NXN: variants seen among roughly 807,000 people sequenced by gnomAD.
NXN encodes the protein nucleoredoxin.
A neutral mutation model predicts 48.6 loss-of-function variants in NXN; 16 were observed. That is an observed-to-expected ratio of 0.33 (90% confidence interval 0.22 to 0.50). The LOEUF is 0.50. NXN is among the 20% of genes least tolerant of loss of function. NXN has a pLI of 0.98. For synonymous variants in NXN, 281 were observed against 269.6 expected (o/e 1.04, Z -0.41); for missense variants, 492 against 605.5 (o/e 0.81, Z 1.97).
At chr17:939,917 G>A (rs1389607043) in intron 1 of NXN, among the ~76,000 whole-genome samples, 4 of 151,550 alleles carry the variant, frequency 2.6e-5, no homozygotes, top group Non-Finnish European at 5.9e-5. Flanking sequence ...CAGGGAGAGT[G>A]CAGTCAACTC....
chr17:951,254 G>C (rs1305401404), intron 1 of NXN, among the ~76,000 whole-genome samples: 3 of 148,662 alleles, frequency 2.0e-5, no homozygotes, highest in Non-Finnish European at 4.5e-5. Context: ...GGAGGCTGAG[G>C]CACGAGAATT....
rs1307755401 is a variant in NXN, at chr17:920,126, C to G, written c.360+59193G>C. Among the ~76,000 whole-genome samples, 1 of 151,940 alleles carries G rather than the reference C, an allele frequency of 6.6e-6. No homozygotes were observed. Among genetic ancestry groups the G allele is most frequent in the East Asian group, 1.9e-4 (1 of 5,160 alleles). On this transcript the variant is annotated intron_variant, in intron 1 of 7. Coordinates refer to ENST00000336868, the MANE Select transcript of NXN (RefSeq NM_022463.5). The surrounding 1 kb of genome is among the most constrained non-coding windows in gnomAD (Gnocchi z 4.6). Reference sequence around the variant, plus strand: ...TGTTGCCCAGGCTGGTCTTGAACTCCTGGGCTCAAGCGATCAGCCCATCTC... The same window carrying G: ...TGTTGCCCAGGCTGGTCTTGAACTCGTGGGCTCAAGCGATCAGCCCATCTC...
intron 1 of NXN, among the ~76,000 whole-genome samples, chr17:946,057 A>G (rs1335419472): frequency 6.6e-6 from 1 of 152,084 alleles, no homozygotes; most frequent in Non-Finnish European, 1.5e-5. Flanking sequence ...AAAGGGAGAG[A>G]GAGAAAGTGA....
chr17:970,956 T>TG (rs1217070916), intron 1 of NXN, among the ~76,000 whole-genome samples: 2 of 151,674 alleles, frequency 1.3e-5, no homozygotes, highest in South Asian at 2.1e-4. Context: ...TTTTTTTTTT[T>TG]TTTTTTTGAC....
In NXN at chr17:932,637, G is replaced by C. The variant is rs1310059490; in HGVS notation, c.360+46682C>G. On this transcript the variant is annotated intron_variant, in intron 1 of 7. Transcript: ENST00000336868. The surrounding 1 kb of genome is among the most constrained non-coding windows in gnomAD (Gnocchi z 4.1). ...GGGCCCCTGCCCTGTGTGAGCTCTA[G>C]TGGGGTCAGCAGCAAGGACCCATCA... Among the ~76,000 whole-genome samples the C allele has an allele frequency of 6.6e-6, 1 of 152,158 alleles. No homozygotes were observed. The highest frequency in any genetic ancestry group is 2.4e-5 in the African/African-American group (1 of 41,430).
rs1356616379 is a variant in NXN at position 917,159 on chromosome 17, ATCT to A, written c.360+62157_360+62159del. 6.8e-6 allele frequency among the ~76,000 whole-genome samples: 1 copy of A among 147,446 alleles called. No individual in the cohort carries two copies. The highest frequency in any genetic ancestry group is 2.5e-5 in the African/African-American group (1 of 39,330). ...TGAGGTGTTCCACGCCTGAGCTCAC[ATCT>A]TTTTTTTTTTTTTCTGTAGCCCAGG... On this transcript the variant is annotated intron_variant, in intron 1 of 7. Transcript: ENST00000336868. The surrounding 1 kb of genome is among the most constrained non-coding windows in gnomAD (Gnocchi z 4.5).
At chr17:852,672 GCT>G (rs764770136) in intron 1 of NXN, among the ~76,000 whole-genome samples, 1 of 152,216 alleles carries the variant, frequency 6.6e-6, no homozygotes, top group Non-Finnish European at 1.5e-5. Context: ...ACCCCCGTCT[GCT>G]CTCTGAGTCA....
intron 1 of NXN, among the ~76,000 whole-genome samples, chr17:880,621 A>G (rs748368634): frequency 6.6e-6 from 1 of 152,138 alleles, no homozygotes. Context: ...CCAAACAATG[A>G]GACTCAAAAT....
At chr17:926,744 C>T (rs2068804296) in intron 1 of NXN, among the ~76,000 whole-genome samples, 1 of 518 alleles carries the variant, frequency 1.9e-3, no homozygotes, top group Non-Finnish European at 0.028. Flanking sequence ...GGGGTTTCGT[C>T]ATGTTCCCAA....
Position 919,716 on chromosome 17 carries a change from C to T in NXN, c.360+59603G>A, listed in dbSNP as rs1402516630. ...CAGGCAGTGCGTGGCTCCAGAACAA[C>T]AACTGAAAATAATATTGGAACGCAG... On this transcript the variant is annotated intron_variant, in intron 1 of 7. Transcript: ENST00000336868. This position sits in a 1 kb window ranked among gnomAD's most constrained non-coding sequence, Gnocchi z 5.1. Among the ~76,000 whole-genome samples the T allele has an allele frequency of 1.3e-5, 2 of 152,110 alleles. No homozygotes were observed. Among genetic ancestry groups the T allele is most frequent in the Non-Finnish European group, 2.9e-5 (2 of 68,022 alleles).
At chr17:969,320 C>A (rs1004416347) in intron 1 of NXN, among the ~76,000 whole-genome samples, 1 of 152,138 alleles carries the variant, frequency 6.6e-6, no homozygotes, top group Non-Finnish European at 1.5e-5. Context: ...AAGTCACACC[C>A]CCGGGAAACA....
chr17:939,794 C>G (rs1047069619), intron 1 of NXN, among the ~76,000 whole-genome samples: 1 of 152,226 alleles, frequency 6.6e-6, no homozygotes, highest in Non-Finnish European at 1.5e-5. Context: ...GCTAGGGGGT[C>G]TGCAGGAGAC....
At chr17:880,071 T>C (rs2068266943) in intron 1 of NXN, 1 of 152,122 alleles carries the variant, frequency 6.6e-6, no homozygotes, top group Admixed American at 6.5e-5. Flanking sequence ...TGAGGTTTCA[T>C]TAAAGGAATT....
chr17:885,541 TAGTCTTTCA>T (rs2068335325), intron 1 of NXN, among the ~76,000 whole-genome samples: 1 of 151,854 alleles, frequency 6.6e-6, no homozygotes, highest in Non-Finnish European at 1.5e-5. Context: ...CTCCTATGTC[TAGTCTTTCA>T]TTTCTCATAA....
chr17:888,962 CA>C (rs71145786), intron 1 of NXN, among the ~76,000 whole-genome samples: 35,098 of 101,244 alleles, frequency 0.35, 4,552 homozygotes, highest in Middle Eastern at 0.54. Context: ...AACTCCATCT[CA>C]AAAAAAAAAA....
At chr17:886,639 G>A (rs55660844) in intron 1 of NXN, among the ~76,000 whole-genome samples, 52 of 152,254 alleles carry the variant, frequency 3.4e-4, no homozygotes, top group Admixed American at 7.9e-4. Context: ...TTAGCCGGGC[G>A]TGGTGGCACA....
At chr17:902,167 T>C (rs1043038173) in intron 1 of NXN, among the ~76,000 whole-genome samples, 1 of 152,192 alleles carries the variant, frequency 6.6e-6, no homozygotes, top group Admixed American at 6.5e-5. Context: ...ACAGTGTTGC[T>C]GCTGTCAGGG....
rs147395577 is a variant in NXN at position 959,421 on chromosome 17, G to A, written c.360+19898C>T. 5.5e-4 allele frequency: 109 copies of A among 198,910 alleles called. 3 individuals are homozygous for A. In the East Asian group the frequency reaches 0.01, roughly 19 times the overall value. 12.3% of individuals were successfully genotyped at this position (198,910 alleles called of 1,614,324 possible). ...ACGGGCAGGGCGCCACTGGCCTGAG[G>A]ACTCCAGACTGGGACCCCACTCCCA... is the stretch of plus-strand genomic sequence containing the variant. On this transcript the variant is annotated intron_variant, in intron 1 of 7. Coordinates refer to ENST00000336868, the MANE Select transcript of NXN (RefSeq NM_022463.5).
intron 5 of NXN, among the ~76,000 whole-genome samples, chr17:816,562 C>A (rs1272836036): frequency 6.6e-6 from 1 of 152,058 alleles, no homozygotes; most frequent in Non-Finnish European, 1.5e-5. Context: ...CCGACGAGGC[C>A]AAATCTCCCT....
Sources: allele counts gnomAD v4.1 joint callset (sites outside exome capture counted in the v4.1 genomes callset), GRCh38; gene constraint gnomAD v4.1.1; non-coding constraint Gnocchi (gnomAD v3.1); transcripts MANE v1.5; gene names NCBI Gene and HGNC (gene_info 2026-07-23, HGNC 2026-07-21).